Variants in HHAT observed in about 807,000 individuals in gnomAD.
The protein encoded by HHAT is hedgehog acyltransferase, also known as protein-cysteine N-palmitoyltransferase HHAT.
A neutral mutation model predicts 70.8 loss-of-function variants in HHAT; 47 were observed. That is an observed-to-expected ratio of 0.66 (90% CI 0.53 to 0.85). HHAT has a LOEUF of 0.85. Among genes scored for constraint, HHAT ranks in the 40% least tolerant of loss-of-function variants. HHAT has a pLI of 0.00. For missense variants in HHAT, 609 were observed against 604.8 expected, an observed-to-expected ratio of 1.01 and a Z score of -0.07; for synonymous variants, 228 against 247.6, an observed-to-expected ratio of 0.92 and a Z score of 0.74.
intron 6 of HHAT, among the ~76,000 whole-genome samples, chr1:210,414,489 AT>A (rs1198693359): frequency 6.6e-6 from 1 of 152,162 alleles, no homozygotes; most frequent in Non-Finnish European, 1.5e-5. Flanking sequence ...TACAAAAAAA[AT>A]CTAAGAGTGA....
chr1:210,488,561 C>G lies in HHAT; in HGVS notation c.1007+23906C>G, dbSNP rs2094505889. Among the ~76,000 whole-genome samples the G allele has an allele frequency of 3.3e-5, 5 of 152,252 alleles. No homozygotes were observed. In the South Asian group the frequency reaches 1.0e-3, roughly 32 times the overall value. ...CAATGCCTAGCACCCAGTAGCTGTT[C>G]AATGATTATTCATTCGATGAATGAA... On this transcript the variant is annotated intron_variant, in intron 8 of 11. Coordinates refer to ENST00000261458, the MANE Select transcript of HHAT (RefSeq NM_018194.6).
At chr1:210,329,665 C>G (rs749934219) in intron 1 of HHAT, among the ~76,000 whole-genome samples, 3 of 152,194 alleles carry the variant, frequency 2.0e-5, no homozygotes, top group Non-Finnish European at 4.4e-5. Context: ...GCTCTTGGAT[C>G]AGGGTTGTAG....
intron 1 of HHAT, among the ~76,000 whole-genome samples, chr1:210,342,490 A>G (rs2086124393): frequency 6.6e-6 from 1 of 152,078 alleles, no homozygotes; most frequent in African/African-American, 2.4e-5. Flanking sequence ...GTGCAATCTC[A>G]TTTGTGTAGA....
At chr1:210,522,937 C>T (rs147792191) in intron 9 of HHAT, among the ~76,000 whole-genome samples, 1 of 152,254 alleles carries the variant, frequency 6.6e-6, no homozygotes, top group East Asian at 1.9e-4. Context: ...GCTTGCCAGG[C>T]TTGAATGGGA....
intron 8 of HHAT, among the ~76,000 whole-genome samples, chr1:210,490,027 TAGTG>T (rs1469213135): frequency 6.6e-6 from 1 of 152,214 alleles, no homozygotes; most frequent in Non-Finnish European, 1.5e-5. Flanking sequence ...GCAAAGAATT[TAGTG>T]AGCCCATTTG....
intron 7 of HHAT, among the ~76,000 whole-genome samples, chr1:210,431,658 C>T (rs1444883788): frequency 1.3e-5 from 2 of 151,880 alleles, no homozygotes; most frequent in East Asian, 3.9e-4. Context: ...GCCATAACTG[C>T]ATCATCTGGG....
chr1:210,534,269 C>T (rs980810212), intron 9 of HHAT, among the ~76,000 whole-genome samples: 1 of 152,238 alleles, frequency 6.6e-6, no homozygotes, highest in Admixed American at 6.5e-5. Flanking sequence ...GATACTGTGT[C>T]ACTGCACTGC....
At chr1:210,670,190 T>G (rs17260620) in intron 11 of HHAT, among the ~76,000 whole-genome samples, 1 of 152,158 alleles carries the variant, frequency 6.6e-6, no homozygotes, top group Non-Finnish European at 1.5e-5. Flanking sequence ...CATTCCACTG[T>G]TATTTGAGCT....
chr1:210,376,014 A>ATTTTTTTTTTTTTTTTTTTTTTT (rs57707354), intron 3 of HHAT, among the ~76,000 whole-genome samples: 1 of 108,908 alleles, frequency 9.2e-6, no homozygotes. Context: ...TGCACAGCTA[A>ATTTTTTTTTTTTTTTTTTTTTTT]TTTTTTTTTT....
intron 8 of HHAT, 102 bp from the exon 9 acceptor site, chr1:210,513,051 A>G (rs1468962153): frequency 8.3e-6 from 6 of 724,692 alleles, no homozygotes; most frequent in Admixed American, 5.2e-5. Context: ...AGAGCAATCC[A>G]TTTAGTCATA....
chr1:210,464,766 C>A, intron 8 of HHAT, 111 bp downstream of exon 8: 2 of 1,061,594 alleles, frequency 1.9e-6, no homozygotes, highest in Non-Finnish European at 1.4e-6. Flanking sequence ...CTCACTCAAG[C>A]TGCATTTGGC....
chr1:210,346,527 GTGT>G (rs2086541751), intron 1 of HHAT, among the ~76,000 whole-genome samples: 1 of 152,222 alleles, frequency 6.6e-6, no homozygotes, highest in African/African-American at 2.4e-5. Context: ...ACTTGAGAAA[GTGT>G]TGTTGAAATA....
At chr1:210,624,864 G>A (rs1038975276) in intron 11 of HHAT, among the ~76,000 whole-genome samples, 2 of 152,166 alleles carry the variant, frequency 1.3e-5, no homozygotes, top group Non-Finnish European at 2.9e-5. Flanking sequence ...ACACAGTCTT[G>A]TGCTTTTGCT....
intron 9 of HHAT, among the ~76,000 whole-genome samples, chr1:210,580,927 T>C (rs912604909): frequency 1.3e-5 from 2 of 152,222 alleles, no homozygotes; most frequent in Admixed American, 1.3e-4. Flanking sequence ...GTTGAACTAA[T>C]TTACATTCCC....
At chr1:210,607,255 T>C (rs1275054555) in intron 10 of HHAT, among the ~76,000 whole-genome samples, 2 of 152,122 alleles carry the variant, frequency 1.3e-5, no homozygotes, top group Non-Finnish European at 2.9e-5. Flanking sequence ...ATCTGCTCTA[T>C]CTTATTAAAA....
chr1:210,503,651 C>A (rs76537917), intron 8 of HHAT, among the ~76,000 whole-genome samples: 12,414 of 152,192 alleles, frequency 0.082, 638 homozygotes, highest in Non-Finnish European at 0.11. Flanking sequence ...CAGGACATAA[C>A]TCTTCCTCAT....
intron 9 of HHAT, among the ~76,000 whole-genome samples, chr1:210,568,831 C>T (rs1285328560): frequency 6.6e-6 from 1 of 152,148 alleles, no homozygotes; most frequent in African/African-American, 2.4e-5. Context: ...ATTTTCCTGA[C>T]CTCCAGACCC....
At chr1:210,465,385 T>G (rs2094078258) in intron 8 of HHAT, among the ~76,000 whole-genome samples, 1 of 152,218 alleles carries the variant, frequency 6.6e-6, no homozygotes, top group Admixed American at 6.5e-5. Flanking sequence ...TGTGTTCCTC[T>G]TATCGCTTCC....
intron 7 of HHAT, among the ~76,000 whole-genome samples, chr1:210,432,973 C>T (rs1210373997): frequency 2.0e-5 from 3 of 151,712 alleles, no homozygotes; most frequent in East Asian, 1.9e-4. Flanking sequence ...TTTAACCTCT[C>T]GATGGCAGGG....
Sources: allele counts gnomAD v4.1 joint callset (sites outside exome capture counted in the v4.1 genomes callset), GRCh38; gene constraint gnomAD v4.1.1; transcripts MANE v1.5; gene names NCBI Gene and HGNC (gene_info 2026-07-23, HGNC 2026-07-21).